LHCGR: variants seen among roughly 807,000 people sequenced by gnomAD.
The protein encoded by LHCGR is lutropin-choriogonadotropic hormone receptor.
Under a neutral mutation model 60.7 loss-of-function variants are expected in LHCGR, and 55 were observed. The ratio of observed to expected loss-of-function variants is 0.91; its 90% confidence interval spans 0.73 to 1.13. The LOEUF (loss-of-function observed/expected upper bound fraction) is 1.13. Among genes scored for constraint, LHCGR ranks in the 50% most tolerant of loss-of-function variants. The pLI is 0.00. For synonymous variants in LHCGR, 337 were observed against 316.5 expected, an observed-to-expected ratio of 1.06 and a Z score of -0.69; for missense variants, 862 against 836.0, an observed-to-expected ratio of 1.03 and a Z score of -0.38.
At chr2:48,694,343 G>A in intron 9 of LHCGR, 39 bp from the exon 10 acceptor site, 1 of 1,305,378 alleles carries the variant, frequency 7.7e-7, no homozygotes, top group South Asian at 1.2e-5. Flanking sequence ...TTGAGCTTTT[G>A]GACTTCAGGC....
At chr2:48,740,099 G>A (rs1194546890) in intron 1 of LHCGR, among the ~76,000 whole-genome samples, 6 of 152,216 alleles carry the variant, frequency 3.9e-5, no homozygotes, top group African/African-American at 9.6e-5. Flanking sequence ...CTGGAAAATC[G>A]GGTCACTCCC....
At chr2:48,695,686 T>C (rs1372226700) in intron 9 of LHCGR, among the ~76,000 whole-genome samples, 1 of 152,186 alleles carries the variant, frequency 6.6e-6, no homozygotes, top group Admixed American at 6.5e-5. Flanking sequence ...ATGTGGTACA[T>C]ATATACAATG....
intron 1 of LHCGR, among the ~76,000 whole-genome samples, chr2:48,736,065 G>C (rs1391821508): frequency 6.6e-6 from 1 of 152,128 alleles, no homozygotes; most frequent in Non-Finnish European, 1.5e-5. Context: ...TGCCATGATT[G>C]TAAGTTTCCT....
intron 2 of LHCGR, among the ~76,000 whole-genome samples, chr2:48,729,465 A>G (rs1196077457): frequency 6.6e-6 from 1 of 152,148 alleles, no homozygotes; most frequent in Non-Finnish European, 1.5e-5. Context: ...GCCCCTGTTT[A>G]TGTGACAAGT....
At chr2:48,753,637 C>G (rs535359928) in intron 1 of LHCGR, among the ~76,000 whole-genome samples, 1 of 152,166 alleles carries the variant, frequency 6.6e-6, no homozygotes, top group South Asian at 2.1e-4. Flanking sequence ...AAAAAATTTA[C>G]TTCAGCCTTT....
chr2:48,754,486 G>C (rs560454637), intron 1 of LHCGR, among the ~76,000 whole-genome samples: 19 of 151,564 alleles, frequency 1.3e-4, no homozygotes, highest in African/African-American at 4.4e-4. Flanking sequence ...TTTCACAGCT[G>C]TATTGAGATG....
chr2:48,723,356 G>T (rs1279087985), intron 6 of LHCGR, 100 bp downstream of exon 6: 1 of 825,564 alleles, frequency 1.2e-6, no homozygotes, highest in Admixed American at 1.9e-5. Flanking sequence ...TCACCAGTGA[G>T]TGAGGAATGT....
chr2:48,718,074 T>C lies in LHCGR; in HGVS notation c.537-4020A>G, dbSNP rs562879819. ...TGCTTTTAATGCCCTTAAAAAAACA[T>C]CTGGAGAGTCACTTCAGATAACTTT... On this transcript the variant is annotated intron_variant, in intron 6 of 10. Coordinates refer to ENST00000294954, the MANE Select transcript of LHCGR (RefSeq NM_000233.4). Among the ~76,000 whole-genome samples the C allele has an allele frequency of 3.9e-4, 60 of 152,176 alleles. No homozygotes were observed. In the South Asian group the frequency reaches 0.012, roughly 30 times the overall value.
intron 1 of LHCGR, among the ~76,000 whole-genome samples, chr2:48,746,276 C>T (rs1449695957): frequency 6.6e-6 from 1 of 152,166 alleles, no homozygotes; most frequent in Non-Finnish European, 1.5e-5. Flanking sequence ...ACTTTTAAGT[C>T]TATAGCATGC....
chr2:48,752,893 C>G (rs941265664), intron 1 of LHCGR, among the ~76,000 whole-genome samples: 4 of 143,196 alleles, frequency 2.8e-5, no homozygotes, highest in Non-Finnish European at 4.5e-5. Context: ...AAACTTCCCT[C>G]AATTCTGCTT....
At position 48,723,056 on chromosome 2, in the gene LHCGR, T is replaced by C. The variant is rs1668570789; in HGVS notation, c.536+400A>G. ...GAGCAAGGTCCATTGATCAACTACTTTTCCTACTTGGAGAATATCCTTCCA... is the reference window on the plus strand; with the variant it reads ...GAGCAAGGTCCATTGATCAACTACTCTTCCTACTTGGAGAATATCCTTCCA... On this transcript the variant is annotated intron_variant, in intron 6 of 10. Transcript: ENST00000294954. Among the ~76,000 whole-genome samples the C allele has an allele frequency of 2.0e-5, 3 of 152,214 alleles. No individual in the cohort carries two copies. The South Asian group carries it at 6.2e-4, about 31-fold the overall frequency.
rs1465352072 is a variant in LHCGR, at chr2:48,688,410, C to T, written c.1387G>A (p.Glu463Lys). The T allele has an allele frequency of 6.2e-7, 1 of 1,614,148 alleles. No homozygotes were observed. The highest frequency in any genetic ancestry group is 8.5e-7 in the Non-Finnish European group (1 of 1,180,026). The stretch of plus-strand genomic sequence containing the variant: ...GCATAGGTGATGGTGTGCCATCTTT[C>T]TAGAGTGATGACGGTGAGGGTGTAG... ...SVYTLTVITLERWHTITYAIH... is the reference protein window; with the variant it reads ...SVYTLTVITLKRWHTITYAIH... Residue 463 changes from glutamate to lysine, a missense_variant, in exon 11 of 11, where the codon GAA (glutamate) becomes AAA (lysine). By Grantham distance (56) the Glu-to-Lys change is moderately conservative (BLOSUM62 1). Transcript: ENST00000294954. The surrounding 1 kb of genome is among the most constrained non-coding windows in gnomAD (Gnocchi z 5.2).
intron 1 of LHCGR, among the ~76,000 whole-genome samples, chr2:48,732,003 A>G (rs1322987310): frequency 6.6e-6 from 1 of 152,206 alleles, no homozygotes; most frequent in East Asian, 1.9e-4. Context: ...TCCTTCAGGC[A>G]TTCACTTATA....
chr2:48,750,423 G>A (rs1467316359), intron 1 of LHCGR, among the ~76,000 whole-genome samples: 1 of 152,132 alleles, frequency 6.6e-6, no homozygotes, highest in African/African-American at 2.4e-5. Context: ...TAAGCTTCAG[G>A]TCTTGCTTCC....
intron 1 of LHCGR, among the ~76,000 whole-genome samples, chr2:48,750,791 G>C (rs1669922634): frequency 6.6e-6 from 1 of 152,234 alleles, no homozygotes; most frequent in Admixed American, 6.5e-5. Flanking sequence ...TCAAAACCAA[G>C]GGGTGGGGAG....
At chr2:48,738,580 C>G (rs1448035072) in intron 1 of LHCGR, among the ~76,000 whole-genome samples, 3 of 152,208 alleles carry the variant, frequency 2.0e-5, no homozygotes, top group African/African-American at 7.2e-5. Context: ...AAGGCTCAAT[C>G]TTTATTCACC....
intron 1 of LHCGR, among the ~76,000 whole-genome samples, chr2:48,741,262 A>G (rs1471737362): frequency 6.6e-6 from 1 of 152,216 alleles, no homozygotes; most frequent in African/African-American, 2.4e-5. Context: ...GTTGGAAAAC[A>G]CTCTGCAGGT....
At chr2:48,731,108 G>T in intron 2 of LHCGR, 119 bp downstream of exon 2, 1 of 674,430 alleles carries the variant, frequency 1.5e-6, no homozygotes. Flanking sequence ...AAAAATATGT[G>T]AGTATCCTAA....
In LHCGR at chr2:48,755,624, C is replaced by T; in HGVS notation, c.48G>A (p.Leu16=). The T allele has an allele frequency of 1.3e-6, 2 of 1,535,760 alleles. No individual in the cohort carries two copies. Among genetic ancestry groups the T allele is most frequent in the Admixed American group, 2.0e-5 (1 of 50,918 alleles). The part of the protein sequence containing the change: ...SALQLLKLLL[L]LQPPLPRALR... The stretch of plus-strand genomic sequence containing the variant: ...GCGCTCGTGGCAGCGGCGGCTGCAG[C>T]AGCAGCAGCAGCTTCAGCAGCTGCA... Residue 16 remains leucine (L), a synonymous_variant, in exon 1 of 11, where the codon CTG becomes CTA. Coordinates refer to ENST00000294954, the MANE Select transcript of LHCGR (RefSeq NM_000233.4).
Sources: gnomAD v4.1 joint callset for allele counts (sites outside exome capture counted in the v4.1 genomes callset) on GRCh38, gnomAD v4.1.1 for gene constraint, Gnocchi (gnomAD v3.1) non-coding constraint, MANE v1.5 for transcripts, NCBI Gene and HGNC (gene_info 2026-07-23, HGNC 2026-07-21) for gene names.